The following DNAH8 variants were observed in gnomAD, a reference collection of about 807,000 sequenced individuals.
DNAH8 encodes dynein axonemal heavy chain 8, also known as axonemal beta dynein heavy chain 8.
A neutral mutation model predicts 562.1 loss-of-function variants in DNAH8; 382 were observed. That is an observed-to-expected ratio of 0.68 (90% CI 0.63 to 0.74). The LOEUF is 0.74. DNAH8 is among the 30% of genes least tolerant of loss of function. DNAH8 has a pLI of 0.00. For synonymous variants in DNAH8, 1,881 were observed against 1,919.4 expected, an observed-to-expected ratio of 0.98 and a Z score of 0.52; for missense variants, 5,203 against 5,620.4, an observed-to-expected ratio of 0.93 and a Z score of 2.37.
intron 26 of DNAH8, 96 bp from the exon 27 acceptor site, chr6:38,822,742 A>G (rs1772980259): frequency 1.0e-6 from 1 of 990,770 alleles, no homozygotes; most frequent in Admixed American, 3.5e-5. Context: ...AATCTTTAAG[A>G]AAATACAGTT....
At chr6:38,763,298 G>A (rs932130208) in intron 11 of DNAH8, 2 of 236,590 alleles carry the variant, frequency 8.5e-6, no homozygotes, top group Non-Finnish European at 1.7e-5. Context: ...TCTAAACCTG[G>A]TGTTATGAAT....
At chr6:38,750,635 C>A in intron 9 of DNAH8, 46 bp downstream of exon 9, 1 of 1,196,862 alleles carries the variant, frequency 8.4e-7, no homozygotes, top group Non-Finnish European at 1.2e-6. Context: ...GGCAGTGGCT[C>A]GCATCTGTGA....
At chr6:38,911,347 G>A in intron 65 of DNAH8, 121 bp from the exon 66 acceptor site, 1 of 793,184 alleles carries the variant, frequency 1.3e-6, no homozygotes, top group Non-Finnish European at 2.2e-6. Context: ...CCTTGCTCAA[G>A]TCCTGTCTTC....
chr6:38,922,388 A>G (rs1448337477), intron 71 of DNAH8, among the ~76,000 whole-genome samples: 1 of 152,070 alleles, frequency 6.6e-6, no homozygotes, highest in Non-Finnish European at 1.5e-5. Flanking sequence ...AGATTTGGGA[A>G]AAGGTGCATG....
At chr6:38,991,416 A>C (rs532620626) in intron 88 of DNAH8, among the ~76,000 whole-genome samples, 3 of 152,356 alleles carry the variant, frequency 2.0e-5, no homozygotes, top group Admixed American at 2.0e-4. Flanking sequence ...AGAAATAAAA[A>C]GGATTCCTCA....
intron 74 of DNAH8, among the ~76,000 whole-genome samples, chr6:38,927,521 CG>C (rs1782214480): frequency 6.6e-6 from 1 of 152,136 alleles, no homozygotes; most frequent in Admixed American, 6.5e-5. Flanking sequence ...TCCATTTCCA[CG>C]AAGCTTCTTA....
chr6:38,865,949 C>T (rs969145128), intron 45 of DNAH8, among the ~76,000 whole-genome samples: 1 of 152,196 alleles, frequency 6.6e-6, no homozygotes, highest in Non-Finnish European at 1.5e-5. Flanking sequence ...TTTGAATCTC[C>T]AACCTTCCTT....
rs540166240 is a variant in DNAH8 at position 38,878,437 on chromosome 6, T to A, written c.7858+2609T>A. On this transcript the variant is annotated intron_variant, in intron 53 of 92. Transcript: ENST00000327475. ...ATAAGTTAGGAAAAGAAAAGCAAAT[T>A]AAACCCAAAGTAAGCAGAAGAAAGA... Among the ~76,000 whole-genome samples, 3 of 151,774 alleles carry A rather than the reference T, an allele frequency of 2.0e-5. No homozygotes were observed. In the South Asian group the frequency reaches 6.3e-4, roughly 32 times the overall value.
intron 53 of DNAH8, among the ~76,000 whole-genome samples, chr6:38,877,398 G>T (rs879293186): frequency 2.3e-4 from 28 of 122,580 alleles, no homozygotes; most frequent in Non-Finnish European, 3.1e-4. Context: ...TTTAGACAAT[G>T]ATGTTTTCTT....
chr6:38,746,073 T>C (rs980284652), intron 8 of DNAH8, among the ~76,000 whole-genome samples: 11 of 152,246 alleles, frequency 7.2e-5, no homozygotes, highest in Admixed American at 3.9e-4. Flanking sequence ...ATTACTGTGT[T>C]ATGCCAATGG....
At chr6:38,770,913 T>G (rs1767508466) in intron 12 of DNAH8, among the ~76,000 whole-genome samples, 1 of 152,210 alleles carries the variant, frequency 6.6e-6, no homozygotes, top group Non-Finnish European at 1.5e-5. Flanking sequence ...TCAGTAGTTG[T>G]GGAATCTCCG....
At position 38,842,637 on chromosome 6, in the gene DNAH8, A is replaced by G. The variant is rs202181183; in HGVS notation, c.4605-26A>G. 1.9e-5 allele frequency: 30 copies of G among 1,602,554 alleles called. No individual in the cohort carries two copies. In the African/African-American group the frequency reaches 3.4e-4, roughly 18 times the overall value. ...CCTCAAATAAATGTGAAGGTGGCAT[A>G]TTTTTTTTCTCTTTCTTTCTGAAAG... On this transcript the variant is annotated intron_variant, in intron 34 of 92. Transcript: ENST00000327475.
chr6:38,730,106 A>G (rs1263781716), intron 4 of DNAH8, 120 bp downstream of exon 4: 6 of 581,368 alleles, frequency 1.0e-5, no homozygotes, highest in Non-Finnish European at 1.8e-5. Context: ...CCAGAAGTTT[A>G]TGTATAAGAA....
chr6:38,822,687 A>G, intron 26 of DNAH8, 151 bp from the exon 27 acceptor site: 1 of 567,538 alleles, frequency 1.8e-6, no homozygotes. Flanking sequence ...TAGCAAGAGA[A>G]TAGCTCTTAA....
At chr6:38,758,532 C>A (rs904414627) in intron 10 of DNAH8, among the ~76,000 whole-genome samples, 17 of 152,156 alleles carry the variant, frequency 1.1e-4, no homozygotes, top group Admixed American at 9.8e-4. Context: ...CCTTCTCCTG[C>A]CCGATTGCCC....
chr6:38,872,946 C>T lies in DNAH8; in HGVS notation c.7278C>T (p.Ala2426=). ...IFLILDGPVD[A]IWIENLNSVL... ...TCATTTTAGATGGTCCTGTGGATGC[C>T]ATCTGGATTGAGAACTTAAATTCCG... Residue 2426 remains alanine (A), a synonymous_variant, in exon 51 of 93, where the codon GCC becomes GCT. Coordinates refer to ENST00000327475, the MANE Select transcript of DNAH8 (RefSeq NM_001206927.2). 6.2e-7 allele frequency: 1 copy of T among 1,613,990 alleles called. No homozygotes were observed. The highest frequency in any genetic ancestry group is 8.5e-7 in the Non-Finnish European group (1 of 1,179,962).
At chr6:38,797,184 A>G (rs1199380422) in intron 21 of DNAH8, among the ~76,000 whole-genome samples, 1 of 152,198 alleles carries the variant, frequency 6.6e-6, no homozygotes, top group Non-Finnish European at 1.5e-5. Context: ...ACTTGAGCTT[A>G]GGAGTTTGAC....
At position 38,869,260 on chromosome 6, in the gene DNAH8, C is replaced by T. The variant is rs558532755; in HGVS notation, c.6828+1064C>T. On this transcript the variant is annotated intron_variant, in intron 48 of 92. Coordinates refer to ENST00000327475, the MANE Select transcript of DNAH8 (RefSeq NM_001206927.2). ...ATTGGGGAATGGAGACTAGAGGTTG[C>T]AGGATTCCCCCATAATCACCATCAG... Among the ~76,000 whole-genome samples, 47 of 152,236 alleles carry T rather than the reference C, an allele frequency of 3.1e-4. 1 individual carries two copies. In the East Asian group the frequency reaches 5.0e-3, roughly 16 times the overall value.
chr6:38,860,315 G>A, intron 42 of DNAH8, 142 bp from the exon 43 acceptor site: 1 of 465,338 alleles, frequency 2.1e-6, no homozygotes, highest in Non-Finnish European at 3.5e-6. Context: ...CTAGCACAGT[G>A]TCAAGCATAG....
Sources: allele counts gnomAD v4.1 joint callset (sites outside exome capture counted in the v4.1 genomes callset), GRCh38; gene constraint gnomAD v4.1.1; transcripts MANE v1.5; gene names NCBI Gene and HGNC (gene_info 2026-07-23, HGNC 2026-07-21).